The following DLG2 variants were observed in gnomAD, a reference collection of about 807,000 sequenced individuals.
The protein encoded by DLG2 is disks large homolog 2.
DLG2 carries 45 observed loss-of-function variants against 132.5 expected under a neutral mutation model. The observed-to-expected ratio is 0.34, with a 90% CI of 0.27 to 0.44. The LOEUF (loss-of-function observed/expected upper bound fraction) is 0.44. DLG2 is among the 20% of genes least tolerant of loss of function. The pLI is 1.00. For synonymous variants in DLG2, 424 were observed against 419.6 expected, an observed-to-expected ratio of 1.01 and a Z score of -0.13; for missense variants, 1,045 against 1,196.9, an observed-to-expected ratio of 0.87 and a Z score of 1.87.
At chr11:83,677,094 T>C (rs1403035000) in intron 18 of DLG2, among the ~76,000 whole-genome samples, 2 of 152,172 alleles carry the variant, frequency 1.3e-5, no homozygotes, top group Non-Finnish European at 2.9e-5. Context: ...CTAACAGCTA[T>C]TTTCTCCCCT....
chr11:83,521,703 C>T (rs2095483486), intron 21 of DLG2, among the ~76,000 whole-genome samples: 1 of 152,136 alleles, frequency 6.6e-6, no homozygotes, highest in Admixed American at 6.6e-5. Context: ...TCTACCAATT[C>T]TATTCAGGGT....
intron 7 of DLG2, among the ~76,000 whole-genome samples, chr11:84,447,630 T>A (rs1430111775): frequency 6.6e-6 from 1 of 152,102 alleles, no homozygotes; most frequent in East Asian, 1.9e-4. Flanking sequence ...TTGAGCCTTA[T>A]GAGTAGTTTT....
chr11:84,425,751 G>A (rs2098964352), intron 7 of DLG2, among the ~76,000 whole-genome samples: 1 of 152,054 alleles, frequency 6.6e-6, no homozygotes, highest in Non-Finnish European at 1.5e-5. Context: ...AAAGAAAACA[G>A]AAAAGAGAAA....
rs368998931 is a variant in DLG2 at position 83,729,505 on chromosome 11, A to G, written c.1825+57185T>C. Among the ~76,000 whole-genome samples, 14 of 152,338 alleles carry G rather than the reference A, an allele frequency of 9.2e-5. No individual in the cohort carries two copies. In the East Asian group the frequency reaches 2.5e-3, roughly 27 times the overall value. ...AGGAATTACTCTTCCTCAGCTGGGT[A>G]CTTAAATCATGAGCCTGGAGATAGT... is the stretch of plus-strand genomic sequence containing the variant. On this transcript the variant is annotated intron_variant, in intron 18 of 27. Transcript: ENST00000376104.
chr11:83,920,853 C>T (rs1355429122), intron 15 of DLG2, among the ~76,000 whole-genome samples: 1 of 151,868 alleles, frequency 6.6e-6, no homozygotes, highest in Non-Finnish European at 1.5e-5. Context: ...ACCATATATT[C>T]ATTGTCTGTC....
intron 8 of DLG2, among the ~76,000 whole-genome samples, chr11:84,175,876 A>G (rs1455730445): frequency 6.6e-6 from 1 of 152,064 alleles, no homozygotes; most frequent in African/African-American, 2.4e-5. Context: ...ACCTTTTTCA[A>G]AGTACTTTAG....
intron 19 of DLG2, among the ~76,000 whole-genome samples, chr11:83,604,350 G>T (rs149935276): frequency 6.6e-6 from 1 of 152,184 alleles, no homozygotes; most frequent in Non-Finnish European, 1.5e-5. Context: ...TGAATTTCAA[G>T]TGTGTTCTTG....
At chr11:83,818,856 A>G (rs1330483941) in intron 17 of DLG2, among the ~76,000 whole-genome samples, 1 of 152,162 alleles carries the variant, frequency 6.6e-6, no homozygotes, top group East Asian at 1.9e-4. Flanking sequence ...GAAAAGGGGA[A>G]AGATAAATTT....
chr11:83,961,370 T>C (rs891080955), intron 14 of DLG2, among the ~76,000 whole-genome samples: 1 of 152,028 alleles, frequency 6.6e-6, no homozygotes, highest in African/African-American at 2.4e-5. Flanking sequence ...GAACATAGTT[T>C]TATATGACTT....
intron 7 of DLG2, among the ~76,000 whole-genome samples, chr11:84,252,301 C>A (rs2097395619): frequency 6.6e-6 from 1 of 151,678 alleles, no homozygotes; most frequent in Non-Finnish European, 1.5e-5. Context: ...CAGGCATGTG[C>A]CACCATGCCC....
At chr11:84,212,751 C>A (rs2096772970) in intron 8 of DLG2, among the ~76,000 whole-genome samples, 1 of 152,118 alleles carries the variant, frequency 6.6e-6, no homozygotes, top group Non-Finnish European at 1.5e-5. Context: ...CCTCCGCCTC[C>A]CGGTTCAAGC....
At chr11:84,222,186 C>T (rs1349495586) in intron 8 of DLG2, among the ~76,000 whole-genome samples, 3 of 152,050 alleles carry the variant, frequency 2.0e-5, no homozygotes. Context: ...GCATGTGCCA[C>T]CACACCTGGC....
intron 6 of DLG2, among the ~76,000 whole-genome samples, chr11:84,590,832 C>T (rs1593119197): frequency 6.6e-6 from 1 of 152,062 alleles, no homozygotes; most frequent in East Asian, 1.9e-4. Flanking sequence ...ACTGATTAAC[C>T]AAATAATAAC....
At chr11:85,574,909 G>A (rs2078063035) in intron 3 of DLG2, among the ~76,000 whole-genome samples, 1 of 151,978 alleles carries the variant, frequency 6.6e-6, no homozygotes, top group Non-Finnish European at 1.5e-5. Flanking sequence ...GACTAATACA[G>A]TCCCTATCTT....
Position 85,562,878 on chromosome 11 carries a change from C to T in DLG2, c.40+35779G>A, listed in dbSNP as rs116563351. On this transcript the variant is annotated intron_variant, in intron 3 of 27. Coordinates refer to ENST00000376104, the MANE Select transcript of DLG2 (RefSeq NM_001142699.3). ...AAATTAAAATGTGATTTTAAAATGA[C>T]AGCATTAAGCTCAAGACACAATGCA... Among the ~76,000 whole-genome samples, 916 of 151,900 alleles carry T rather than the reference C, an allele frequency of 6.0e-3. 12 individuals carry two copies. The highest frequency in any genetic ancestry group is 0.021 in the African/African-American group (870 of 41,534).
Position 84,967,659 on chromosome 11 carries a change from G to A in DLG2, c.357+144002C>T, listed in dbSNP as rs905940105. ...TTAGTGAATCTTACTTGAAGAACAT[G>A]ATATACCTGCAGATAATTAAGATAA... is the stretch of plus-strand genomic sequence containing the variant. On this transcript the variant is annotated intron_variant, in intron 6 of 27. Transcript: ENST00000376104. Among the ~76,000 whole-genome samples the A allele has an allele frequency of 2.0e-5, 3 of 152,178 alleles. No individual in the cohort carries two copies. The East Asian group carries it at 5.8e-4, about 29-fold the overall frequency.
At chr11:84,701,730 A>C (rs1295961936) in intron 6 of DLG2, among the ~76,000 whole-genome samples, 4 of 151,612 alleles carry the variant, frequency 2.6e-5, no homozygotes, top group Non-Finnish European at 5.9e-5. Flanking sequence ...ATAATTCCTA[A>C]TATTTGGCAG....
rs1592270903 is a variant in DLG2 at position 83,980,533 on chromosome 11, C to T, written c.1029G>A (p.Arg343=). ...TTAGTAGTCTATCTCCTACTTGCAA[C>T]CTTCCATCTTTTTGTGCAGCTCCTC... is the stretch of plus-strand genomic sequence containing the variant. ...IDGGAAQKDG[R]LQVGDRLLMV... is the part of the protein sequence containing the mutation. The change falls in exon 12 of 28, where the codon AGG becomes AGA. Residue 343 remains arginine (R), a synonymous_variant. Transcript: ENST00000376104. The T allele has an allele frequency of 3.7e-6, 6 of 1,613,702 alleles. No homozygotes were observed. Among genetic ancestry groups the T allele is most frequent in the Non-Finnish European group, 4.2e-6 (5 of 1,179,800 alleles).
chr11:84,351,590 G>A (rs2098572139), intron 7 of DLG2, among the ~76,000 whole-genome samples: 1 of 152,066 alleles, frequency 6.6e-6, no homozygotes, highest in African/African-American at 2.4e-5. Context: ...TTGATTTATT[G>A]ATATACAGTA....
Sources: allele counts gnomAD v4.1 joint callset (sites outside exome capture counted in the v4.1 genomes callset), GRCh38; gene constraint gnomAD v4.1.1; transcripts MANE v1.5; gene names NCBI Gene and HGNC (gene_info 2026-07-23, HGNC 2026-07-21).